The following SLC25A26 variants were observed in gnomAD, a reference collection of about 807,000 sequenced individuals.
SLC25A26 encodes the protein solute carrier family 25 member 26.
In SLC25A26, 36 loss-of-function variants were observed where a neutral mutation model predicts 37.8. That is an observed-to-expected ratio of 0.95 (90% CI 0.73 to 1.26). SLC25A26 has a LOEUF of 1.26. Among genes scored for constraint, SLC25A26 ranks in the 50% most tolerant of loss-of-function variants. SLC25A26 has a pLI of 0.00. For missense variants in SLC25A26, 390 were observed against 331.1 expected (o/e 1.18, Z -1.38); for synonymous variants, 129 against 122.5 (o/e 1.05, Z -0.35).
chr3:66,179,645 C>G (rs2070657678), intron 1 of SLC25A26, among the ~76,000 whole-genome samples: 1 of 152,030 alleles, frequency 6.6e-6, no homozygotes. Context: ...TCTATATTTC[C>G]TCTATCGTCC....
chr3:66,241,337 G>C (rs1383190342), intron 2 of SLC25A26, among the ~76,000 whole-genome samples: 1 of 152,046 alleles, frequency 6.6e-6, no homozygotes, highest in Admixed American at 6.6e-5. Flanking sequence ...TCTGAACTAG[G>C]GAATTGCAAA....
At chr3:66,370,441 G>T in intron 8 of SLC25A26, 88 bp from the exon 9 acceptor site, 1 of 1,037,046 alleles carries the variant, frequency 9.6e-7, no homozygotes. Context: ...AGGGTGACGG[G>T]GAGCTGTGTG....
chr3:66,295,884 C>T (rs1193893645), intron 5 of SLC25A26, among the ~76,000 whole-genome samples: 1 of 151,740 alleles, frequency 6.6e-6, no homozygotes, highest in Admixed American at 6.6e-5. Flanking sequence ...TTTGGGAAGC[C>T]GAGATGGGTG....
intron 5 of SLC25A26, among the ~76,000 whole-genome samples, chr3:66,290,451 T>C (rs978174446): frequency 2.6e-5 from 4 of 152,206 alleles, no homozygotes; most frequent in African/African-American, 9.6e-5. Flanking sequence ...GGCTGTGGTT[T>C]TGTCATAAAC....
chr3:66,332,051 G>C (rs1038943886), intron 5 of SLC25A26, among the ~76,000 whole-genome samples: 7 of 151,902 alleles, frequency 4.6e-5, no homozygotes, highest in Non-Finnish European at 1.0e-4. Context: ...CCTGCCTCAG[G>C]CTCTTGAGTA....
intron 1 of SLC25A26, among the ~76,000 whole-genome samples, chr3:66,174,975 G>C (rs1046711112): frequency 2.0e-5 from 3 of 151,432 alleles, no homozygotes; most frequent in African/African-American, 7.3e-5. Context: ...GTTAAATGAA[G>C]CCCAACTGGT....
chr3:66,230,115 C>G (rs2071942160), intron 1 of SLC25A26, among the ~76,000 whole-genome samples: 1 of 152,202 alleles, frequency 6.6e-6, no homozygotes, highest in African/African-American at 2.4e-5. Context: ...AAAGTGTTAT[C>G]TCATCATCCC....
chr3:66,231,983 G>A (rs140884834), intron 1 of SLC25A26, among the ~76,000 whole-genome samples: 151,729 of 152,290 alleles, frequency 1, 75,587 homozygotes, highest in Middle Eastern at 1. Context: ...TTTGTGTATA[G>A]CTTAATTTAC....
intron 5 of SLC25A26, among the ~76,000 whole-genome samples, chr3:66,267,012 G>C (rs1024666672): frequency 1.3e-5 from 2 of 152,182 alleles, no homozygotes; most frequent in South Asian, 4.1e-4. Context: ...ATTTCACTCA[G>C]CTGTCCTTTC....
chr3:66,251,756 C>G (rs2073093221), intron 3 of SLC25A26, among the ~76,000 whole-genome samples: 1 of 152,138 alleles, frequency 6.6e-6, no homozygotes, highest in Non-Finnish European at 1.5e-5. Context: ...ATCCTCACCC[C>G]CAGTTTCTCG....
chr3:66,273,807 G>C (rs192602038), intron 5 of SLC25A26, among the ~76,000 whole-genome samples: 63 of 152,250 alleles, frequency 4.1e-4, no homozygotes, highest in African/African-American at 1.4e-3. Flanking sequence ...TCAATATCGT[G>C]AAAATGGCCA....
intron 6 of SLC25A26, among the ~76,000 whole-genome samples, chr3:66,359,768 T>G (rs189387470): frequency 4.1e-4 from 63 of 152,356 alleles, no homozygotes; most frequent in African/African-American, 1.4e-3. Context: ...AGCATACAGA[T>G]GTATTTGCAA....
chr3:66,332,476 C>CTTT (rs759014858), intron 5 of SLC25A26, among the ~76,000 whole-genome samples: 1 of 151,436 alleles, frequency 6.6e-6, no homozygotes, highest in Non-Finnish European at 1.5e-5. Context: ...AACTAAAGCA[C>CTTT]TTTTTTTTTG....
chr3:66,186,304 C>T (rs1311524551), intron 1 of SLC25A26, among the ~76,000 whole-genome samples: 1 of 152,010 alleles, frequency 6.6e-6, no homozygotes, highest in Admixed American at 6.6e-5. Flanking sequence ...TCACTCTGAC[C>T]CTGACCCTAA....
chr3:66,303,337 G>C (rs2075128646), intron 5 of SLC25A26, among the ~76,000 whole-genome samples: 1 of 152,158 alleles, frequency 6.6e-6, no homozygotes, highest in African/African-American at 2.4e-5. Flanking sequence ...AAAGACTTCT[G>C]GGAACAGCTA....
chr3:66,258,860 A>G (rs1396435090), intron 3 of SLC25A26, among the ~76,000 whole-genome samples: 2 of 120,288 alleles, frequency 1.7e-5, no homozygotes, highest in Non-Finnish European at 3.3e-5. Flanking sequence ...TTTTTTTTTT[A>G]ATTATTAACA....
intron 5 of SLC25A26, among the ~76,000 whole-genome samples, chr3:66,345,909 A>G (rs1161003293): frequency 6.6e-6 from 1 of 152,226 alleles, no homozygotes; most frequent in African/African-American, 2.4e-5. Flanking sequence ...AACTCAGAAG[A>G]TCACCAGGCT....
intron 5 of SLC25A26, among the ~76,000 whole-genome samples, chr3:66,303,392 T>C (rs2075130680): frequency 6.6e-6 from 1 of 152,212 alleles, no homozygotes; most frequent in Non-Finnish European, 1.5e-5. Flanking sequence ...CTGCTGCTCG[T>C]TAGCCCTGTG....
intron 1 of SLC25A26, among the ~76,000 whole-genome samples, chr3:66,150,585 G>GATAT (rs560809353): frequency 3.2e-5 from 2 of 62,166 alleles, no homozygotes; most frequent in African/African-American, 1.1e-4. Flanking sequence ...TATATATCAT[G>GATAT]ATATATATAT....
Sources: allele counts gnomAD v4.1 joint callset (sites outside exome capture counted in the v4.1 genomes callset), GRCh38; gene constraint gnomAD v4.1.1; transcripts MANE v1.5; gene names NCBI Gene and HGNC (gene_info 2026-07-23, HGNC 2026-07-21).